The following BSN variants were observed in gnomAD, a reference collection of about 807,000 sequenced individuals.
The protein encoded by BSN is bassoon presynaptic cytomatrix protein.
Under a neutral mutation model 264.8 loss-of-function variants are expected in BSN, and 57 were observed. The observed-to-expected ratio is 0.22, with a 90% confidence interval of 0.17 to 0.27. BSN has a LOEUF of 0.27. Ranked by LOEUF, BSN falls within the 10% of genes least tolerant of loss-of-function variation. The pLI is 1.00. For synonymous variants in BSN, 2,059 were observed against 2,137.3 expected, an observed-to-expected ratio of 0.96 and a Z score of 1.01; for missense variants, 4,615 against 5,232.5, an observed-to-expected ratio of 0.88 and a Z score of 3.64.
chr3:49,582,648 A>G (rs1002462874), intron 1 of BSN, among the ~76,000 whole-genome samples: 1 of 152,110 alleles, frequency 6.6e-6, no homozygotes, highest in Admixed American at 6.6e-5. Context: ...TTCTTGCCCA[A>G]TAGCTCTGAC....
At chr3:49,603,098 A>G (rs1445077996) in intron 1 of BSN, among the ~76,000 whole-genome samples, 1 of 151,982 alleles carries the variant, frequency 6.6e-6, no homozygotes, top group Non-Finnish European at 1.5e-5. Flanking sequence ...GGTCTTCCAC[A>G]TCTGTGGCCA....
Position 49,607,775 on chromosome 3 carries a change from A to C in BSN, c.225-17200A>C, listed in dbSNP as rs531546900. ...GCATCCCTGAATCTGTGCTCCCTAG[A>C]CGCTGAGCCCTGGAAAGGGGAAGAG... On this transcript the variant is annotated intron_variant, in intron 1 of 11. Coordinates refer to ENST00000296452, the MANE Select transcript of BSN (RefSeq NM_003458.4). 2.6e-4 allele frequency among the ~76,000 whole-genome samples: 39 copies of C among 152,312 alleles called. No homozygotes were observed. In the East Asian group the frequency reaches 5.0e-3, roughly 20 times the overall value.
In BSN at chr3:49,656,093, G is replaced by T; in HGVS notation, c.6537G>T (p.Gln2179His). The change falls in exon 5 of 12, where the codon CAG becomes CAT. Residue 2179 changes from glutamine to histidine, a missense_variant. Transcript: ENST00000296452. ...PAAGQGTAVR[Q>H]LLPSTATVRA... Reference sequence around the variant, plus strand: ...CAGGCCAAGGAACAGCAGTCAGACAGCTGCTGCCGTCCACAGCCACTGTAC... The same window carrying T: ...CAGGCCAAGGAACAGCAGTCAGACATCTGCTGCCGTCCACAGCCACTGTAC... 1 of 1,612,018 alleles carries T rather than the reference G, an allele frequency of 6.2e-7. No individual in the cohort carries two copies.
rs2051980330 is a variant in BSN at position 49,591,877 on chromosome 3, C to T, written c.225-33098C>T. 2.0e-5 allele frequency among the ~76,000 whole-genome samples: 3 copies of T among 152,130 alleles called. No individual in the cohort carries two copies. The South Asian group carries it at 6.2e-4, about 31-fold the overall frequency. On this transcript the variant is annotated intron_variant, in intron 1 of 11. Coordinates refer to ENST00000296452, the MANE Select transcript of BSN (RefSeq NM_003458.4). ...GGGTACGATTACAGGCATGAACCAC[C>T]GCCCCCAGCCTCTTCCAGAGATTTT... is the stretch of plus-strand genomic sequence containing the variant.
intron 1 of BSN, among the ~76,000 whole-genome samples, chr3:49,593,643 G>C (rs1206537521): frequency 2.0e-5 from 3 of 151,996 alleles, no homozygotes; most frequent in African/African-American, 7.2e-5. Context: ...AATGGCTAAT[G>C]ATGTTGAACA....
Position 49,642,653 on chromosome 3 carries a change from A to C in BSN, c.1019A>C (p.Glu340Ala). The change falls in exon 3 of 12, where the codon GAG becomes GCG. Residue 340 changes from glutamate to alanine, a missense_variant. Transcript: ENST00000296452. The surrounding 1 kb of genome is among the most constrained non-coding windows in gnomAD (Gnocchi z 7.0). ...GTGCCCGCTGGGCTTGGTGCCACTG[A>C]GCAGACCCAGGAGGGCCTCACTGGT... is the stretch of plus-strand genomic sequence containing the variant. ...TAVPAGLGAT[E>A]QTQEGLTGKL... 6.2e-7 allele frequency: 1 copy of C among 1,606,728 alleles called. No homozygotes were observed. Among genetic ancestry groups the C allele is most frequent in the Non-Finnish European group, 8.5e-7 (1 of 1,175,878 alleles).
At chr3:49,624,818 C>T (rs2052330235) in intron 1 of BSN, among the ~76,000 whole-genome samples, 157 bp from the exon 2 acceptor site, 1 of 152,112 alleles carries the variant, frequency 6.6e-6, no homozygotes, top group Non-Finnish European at 1.5e-5. Context: ...TGTCAAGGCT[C>T]AGCACAGGAC....
intron 3 of BSN, among the ~76,000 whole-genome samples, chr3:49,643,586 G>T (rs1559612459): frequency 6.6e-6 from 1 of 152,210 alleles, no homozygotes; most frequent in African/African-American, 2.4e-5. Flanking sequence ...CACATCCAGG[G>T]TGGGGTGGGA....
At position 49,661,648 on chromosome 3, in the gene BSN, A is replaced by G. The variant is rs1559619025; in HGVS notation, c.9803A>G (p.Glu3268Gly). The change falls in exon 6 of 12, where the codon GAG (glutamate) becomes GGG (glycine). Residue 3268 changes from glutamate to glycine, a missense_variant. Transcript: ENST00000296452. Reference sequence around the variant, plus strand: ...GGCAGCAGTGGGCGTCCAGGGAAGGAGCCTGGAGAACCAGGTGTCCTTGAC... The same window carrying G: ...GGCAGCAGTGGGCGTCCAGGGAAGGGGCCTGGAGAACCAGGTGTCCTTGAC... ...GPGSSGRPGK[E>G]PGEPGVLDGP... The G allele has an allele frequency of 8.7e-6, 14 of 1,613,686 alleles. No homozygotes were observed. Among genetic ancestry groups the G allele is most frequent in the Non-Finnish European group, 1.1e-5 (13 of 1,180,040 alleles).
In BSN at chr3:49,661,023, G is replaced by A. The variant is rs1575452042; in HGVS notation, c.9178G>A (p.Ala3060Thr). Residue 3060 changes from alanine to threonine, a missense_variant, in exon 6 of 12, where the codon GCC (alanine) becomes ACC (threonine). Physicochemically the swap from Ala to Thr is moderately conservative, Grantham distance 58. This residue lies in a region of BSN where 3,415 missense variants were observed against 3,866.4 expected (regional missense o/e 0.88). Transcript: ENST00000296452. ...CCAGCAGCCCCGCTTCCAGCCTCCA[G>A]CCCCACAGTATTCTGCAGGCAGTGG... ...AFQQPRFQPP[A>T]PQYSAGSGGP... is the part of the protein sequence containing the mutation. The A allele has an allele frequency of 2.5e-6, 4 of 1,611,000 alleles. No homozygotes were observed. The highest frequency in any genetic ancestry group is 1.3e-5 in the African/African-American group (1 of 75,000).
intron 1 of BSN, among the ~76,000 whole-genome samples, chr3:49,583,274 A>G (rs1257050525): frequency 6.6e-6 from 1 of 152,066 alleles, no homozygotes; most frequent in East Asian, 1.9e-4. Flanking sequence ...TGGAACATTG[A>G]TTGATTTTTG....
chr3:49,603,646 A>G (rs1425003854), intron 1 of BSN, among the ~76,000 whole-genome samples: 1 of 152,190 alleles, frequency 6.6e-6, no homozygotes, highest in South Asian at 2.1e-4. Flanking sequence ...TCTGCAGTCC[A>G]TTAGAAGGGT....
chr3:49,593,072 A>T (rs1434044118), intron 1 of BSN, among the ~76,000 whole-genome samples: 2 of 152,220 alleles, frequency 1.3e-5, no homozygotes, highest in Non-Finnish European at 2.9e-5. Context: ...CCCATCCCTA[A>T]TCCCTGGCAA....
intron 1 of BSN, among the ~76,000 whole-genome samples, chr3:49,612,139 A>T (rs928726544): frequency 6.7e-6 from 1 of 148,362 alleles, no homozygotes; most frequent in African/African-American, 2.5e-5. Context: ...ACAAAGAATG[A>T]TTTTTTTTTT....
In BSN at chr3:49,642,405, C is replaced by T. The variant is rs1371650049; in HGVS notation, c.771C>T (p.Pro257=). 1.2e-6 allele frequency: 2 copies of T among 1,601,384 alleles called. No individual in the cohort carries two copies. The highest frequency in any genetic ancestry group is 1.7e-5 in the Admixed American group (1 of 58,042). ...CTGCCCACTCCCCGGCCAAACAGCC[C>T]CTGGGGAAGCCAGACCAAGAGAGAT... ...LSPAHSPAKQ[P]LGKPDQERSR... The change falls in exon 3 of 12, where the codon CCC becomes CCT. Residue 257 remains proline, a synonymous_variant. Transcript: ENST00000296452. This position sits in a 1 kb window ranked among gnomAD's most constrained non-coding sequence, Gnocchi z 7.0.
At chr3:49,663,964 A>G in intron 8 of BSN, 78 bp downstream of exon 8, 1 of 1,369,464 alleles carries the variant, frequency 7.3e-7, no homozygotes, top group Non-Finnish European at 1.0e-6. Context: ...CTGTGCCCTG[A>G]GCTCCCCCAC....
chr3:49,608,081 A>G (rs896593269), intron 1 of BSN, among the ~76,000 whole-genome samples: 2 of 152,148 alleles, frequency 1.3e-5, no homozygotes, highest in African/African-American at 2.4e-5. Flanking sequence ...GCGGGAGGCA[A>G]TCTCCCCAAG....
chr3:49,605,850 TATATA>T (rs2052129687), intron 1 of BSN, among the ~76,000 whole-genome samples: 1 of 64,482 alleles, frequency 1.6e-5, no homozygotes, highest in Non-Finnish European at 2.7e-5. Context: ...TATATATTTA[TATATA>T]ATATATTTAT....
At chr3:49,581,336 G>GT (rs2051894307) in intron 1 of BSN, among the ~76,000 whole-genome samples, 1 of 152,140 alleles carries the variant, frequency 6.6e-6, no homozygotes, top group Admixed American at 6.5e-5. Flanking sequence ...GACTCCAGTA[G>GT]TCCCCCCTTA....
Sources: gnomAD v4.1 joint callset for allele counts (sites outside exome capture counted in the v4.1 genomes callset) on GRCh38, gnomAD v4.1.1 for gene constraint, gnomAD v4.1.1 regional missense constraint, Gnocchi (gnomAD v3.1) non-coding constraint, MANE v1.5 for transcripts, NCBI Gene and HGNC (gene_info 2026-07-23, HGNC 2026-07-21) for gene names.